Variants in FAM124A observed in about 807,000 individuals in gnomAD.
The protein encoded by FAM124A is family with sequence similarity 124 member A.
FAM124A carries 23 observed loss-of-function variants against 24.5 expected under a neutral mutation model. The observed-to-expected ratio is 0.94, with a 90% confidence interval of 0.68 to 1.33. The LOEUF (loss-of-function observed/expected upper bound fraction) is 1.33. Ranked by LOEUF, FAM124A falls within the 40% of genes most tolerant of loss-of-function variation. The pLI is 0.00. For missense variants in FAM124A, 623 were observed against 722.8 expected (o/e 0.86, Z 1.58); for synonymous variants, 287 against 314.7 (o/e 0.91, Z 0.93).
At position 51,281,366 on chromosome 13, in the gene FAM124A, G is replaced by A. The variant is rs1954938198; in HGVS notation, c.*110G>A. ...ACATTCTTCATGATCCATTTCCCAGGAGCCCGTAGCACATTTGCCTACCAC... is the reference window on the plus strand; with the variant it reads ...ACATTCTTCATGATCCATTTCCCAGAAGCCCGTAGCACATTTGCCTACCAC... On this transcript the variant is annotated 3_prime_UTR_variant, in exon 4 of 4. Transcript: ENST00000322475. 8.7e-7 allele frequency: 1 copy of A among 1,145,678 alleles called. No homozygotes were observed. Among genetic ancestry groups the A allele is most frequent in the Non-Finnish European group, 1.2e-6 (1 of 840,472 alleles). The allele number at this position is 1,145,678 out of a possible 1,614,324, so 71.0% of individuals were successfully genotyped here.
At chr13:51,246,328 T>C (rs935234589) in intron 2 of FAM124A, among the ~76,000 whole-genome samples, 2 of 150,018 alleles carry the variant, frequency 1.3e-5, no homozygotes, top group Admixed American at 1.3e-4. Flanking sequence ...TGGCAATTAA[T>C]TATTCACATT....
At position 51,251,608 on chromosome 13, in the gene FAM124A, G is replaced by C. The variant is rs1954621550; in HGVS notation, c.241G>C (p.Val81Leu). The C allele has an allele frequency of 6.3e-7, 1 of 1,574,830 alleles. No homozygotes were observed. Among genetic ancestry groups the C allele is most frequent in the South Asian group, 1.2e-5 (1 of 84,992 alleles). ...CCACCCCGACCTCCCGCTGTTCCGGGTGTCCGAGAGGCGGGCGTCCCGGCG... is the reference window on the plus strand; with the variant it reads ...CCACCCCGACCTCCCGCTGTTCCGGCTGTCCGAGAGGCGGGCGTCCCGGCG... ...WIHPDLPLFRVSERRASRRRR... is the reference protein window; with the variant it reads ...WIHPDLPLFRLSERRASRRRR... The change falls in exon 3 of 4, where the codon GTG becomes CTG. Residue 81 changes from valine (V) to leucine (L), a missense_variant. Physicochemically the swap from Val to Leu is conservative, Grantham distance 32. Transcript: ENST00000322475. The surrounding 1 kb of genome is among the most constrained non-coding windows in gnomAD (Gnocchi z 5.3).
chr13:51,241,917 T>A (rs1337361966), intron 2 of FAM124A, among the ~76,000 whole-genome samples: 1 of 152,210 alleles, frequency 6.6e-6, no homozygotes, highest in African/African-American at 2.4e-5. Context: ...TCATTATTCA[T>A]CTGATTTCTC....
intron 2 of FAM124A, among the ~76,000 whole-genome samples, chr13:51,238,613 A>T (rs937247047): frequency 6.6e-6 from 1 of 152,178 alleles, no homozygotes; most frequent in Admixed American, 6.5e-5. Context: ...AAGAGGGTAG[A>T]GGTGTGTGTT....
At chr13:51,268,939 A>G (rs1954814509) in intron 3 of FAM124A, among the ~76,000 whole-genome samples, 1 of 152,230 alleles carries the variant, frequency 6.6e-6, no homozygotes, top group South Asian at 2.1e-4. Flanking sequence ...GAGATGCACA[A>G]TCCAACTGAA....
At chr13:51,265,553 A>C (rs1000384597) in intron 3 of FAM124A, among the ~76,000 whole-genome samples, 1 of 152,206 alleles carries the variant, frequency 6.6e-6, no homozygotes, top group African/African-American at 2.4e-5. Flanking sequence ...TGCCTAAATC[A>C]ACACAGTCAA....
chr13:51,222,580 C>T lies in FAM124A; in HGVS notation c.68+11C>T. ...CGCCGAGACCGGAGGGTGAGCCGCG[C>T]CGGGCCGGGCCGCGGGCGGGGGGCG... On this transcript the variant is annotated intron_variant, in intron 1 of 3. Coordinates refer to ENST00000322475, the MANE Select transcript of FAM124A (RefSeq NM_001242312.2). 1 of 1,222,348 alleles carries T rather than the reference C, an allele frequency of 8.2e-7. No homozygotes were observed. Among genetic ancestry groups the T allele is most frequent in the Middle Eastern group, 3.2e-4 (1 of 3,150 alleles). The allele number at this position is 1,222,348 out of a possible 1,614,324, so 75.7% of individuals were successfully genotyped here.
chr13:51,282,898 A>G lies in FAM124A; in HGVS notation c.*1642A>G, dbSNP rs1403781082. 1 of 152,098 alleles carries G rather than the reference A, an allele frequency of 6.6e-6. No individual in the cohort carries two copies. The highest frequency in any genetic ancestry group is 1.5e-5 in the Non-Finnish European group (1 of 68,016). 9.4% of individuals were successfully genotyped at this position (152,098 alleles called of 1,614,324 possible). A position where few individuals can be genotyped will look rare whatever the true frequency, so the allele number is the denominator to read the frequency against. ...CTAATTCAGGATAAGGAGTAAGCAA[A>G]CTTTCTGAAAAGGGCTAGATAATAA... On this transcript the variant is annotated 3_prime_UTR_variant, in exon 4 of 4. Transcript: ENST00000322475.
rs1192802020 is a variant in FAM124A, at chr13:51,281,283, A to C, written c.*27A>C. ...TGCCCTCTGCTCTTGTTCTCGAAAC[A>C]CACAAACTCAGAGACACAGACTCAG... On this transcript the variant is annotated 3_prime_UTR_variant, in exon 4 of 4. Transcript: ENST00000322475. The C allele has an allele frequency of 2.6e-6, 4 of 1,526,532 alleles. No homozygotes were observed. The highest frequency in any genetic ancestry group is 3.5e-6 in the Non-Finnish European group (4 of 1,141,688). 94.6% of individuals were successfully genotyped at this position (1,526,532 alleles called of 1,614,324 possible). A position where few individuals can be genotyped will look rare whatever the true frequency, so the allele number is the denominator to read the frequency against.
At chr13:51,273,185 T>A (rs984108162) in intron 3 of FAM124A, among the ~76,000 whole-genome samples, 2 of 152,192 alleles carry the variant, frequency 1.3e-5, no homozygotes, top group African/African-American at 4.8e-5. Context: ...CTGGGGGCAC[T>A]TGGCATCTCT....
At position 51,251,729 on chromosome 13, in the gene FAM124A, G is replaced by A. The variant is rs767125700; in HGVS notation, c.362G>A (p.Arg121His). The change falls in exon 3 of 4, where the codon CGC becomes CAC. Residue 121 changes from arginine to histidine, a missense_variant. Transcript: ENST00000322475. The surrounding 1 kb of genome is among the most constrained non-coding windows in gnomAD (Gnocchi z 5.3). ...GAAGAGCAGATCCTGCAGCTGCACC[G>A]CACACTGCAGCAGCCGCCCTGGCGC... The part of the protein sequence containing the change: ...YGEEQILQLH[R>H]TLQQPPWRHH... 8.2e-6 allele frequency: 13 copies of A among 1,584,096 alleles called. 1 individual carries two copies. In the South Asian group the frequency reaches 1.0e-4, roughly 13 times the overall value.
intron 3 of FAM124A, chr13:51,253,397 A>G (rs774461459): frequency 6.6e-6 from 1 of 152,230 alleles, no homozygotes; most frequent in Non-Finnish European, 1.5e-5. Context: ...GAACTAGATA[A>G]TTTTGAAACT....
At chr13:51,273,377 A>G (rs1322791720) in intron 3 of FAM124A, among the ~76,000 whole-genome samples, 1 of 152,220 alleles carries the variant, frequency 6.6e-6, no homozygotes, top group Non-Finnish European at 1.5e-5. Flanking sequence ...TGAGCTAGAG[A>G]AAACTGAGAT....
intron 3 of FAM124A, among the ~76,000 whole-genome samples, chr13:51,264,406 C>T (rs1175305105): frequency 6.6e-6 from 1 of 152,144 alleles, no homozygotes; most frequent in Non-Finnish European, 1.5e-5. Context: ...TGCATCAGTC[C>T]CTCCTCAGTG....
At chr13:51,245,936 C>T (rs978272693) in intron 2 of FAM124A, among the ~76,000 whole-genome samples, 1 of 152,148 alleles carries the variant, frequency 6.6e-6, no homozygotes, top group African/African-American at 2.4e-5. Context: ...ATATATATAA[C>T]AAATGCCCAG....
At chr13:51,274,729 A>T (rs981695257) in intron 3 of FAM124A, among the ~76,000 whole-genome samples, 1 of 152,160 alleles carries the variant, frequency 6.6e-6, no homozygotes, top group Admixed American at 6.5e-5. Flanking sequence ...TGTATCTCAC[A>T]TGTATTTTTG....
In FAM124A at chr13:51,280,777, C is replaced by T; in HGVS notation, c.1162C>T (p.Pro388Ser). The stretch of plus-strand genomic sequence containing the variant: ...ACAGTGGTTTTCAAACACAGGTGCC[C>T]CAGGGCACAGGGCATCAGAGTGGAG... ...EPQWFSNTGA[P>S]GHRASEWRHG... is the part of the protein sequence containing the mutation. Residue 388 changes from proline to serine, a missense_variant, in exon 4 of 4, where the codon CCA (proline) becomes TCA (serine). Pro to Ser is a moderately conservative substitution (Grantham distance 74). Transcript: ENST00000322475. 6.2e-7 allele frequency: 1 copy of T among 1,614,226 alleles called. No homozygotes were observed. Among genetic ancestry groups the T allele is most frequent in the Admixed American group, 1.7e-5 (1 of 60,030 alleles).
Position 51,281,124 on chromosome 13 carries a change from C to G in FAM124A, c.1509C>G (p.Thr503=). Reference sequence around the variant, plus strand: ...GTGCTGCTCCCCCAGCTCCCAGCACCTCCACCCTCACAGACTCCTCCCCAC... The same window carrying G: ...GTGCTGCTCCCCCAGCTCCCAGCACGTCCACCCTCACAGACTCCTCCCCAC... ...TARAAPPAPS[T]STLTDSSPQL... The change falls in exon 4 of 4, where the codon ACC becomes ACG. Residue 503 remains threonine, a synonymous_variant. Coordinates refer to ENST00000322475, the MANE Select transcript of FAM124A (RefSeq NM_001242312.2). The G allele has an allele frequency of 6.2e-7, 1 of 1,614,076 alleles. No individual in the cohort carries two copies. The highest frequency in any genetic ancestry group is 8.5e-7 in the Non-Finnish European group (1 of 1,180,022).
chr13:51,228,411 T>G (rs1403858621), intron 1 of FAM124A, among the ~76,000 whole-genome samples: 1 of 152,164 alleles, frequency 6.6e-6, no homozygotes, highest in Non-Finnish European at 1.5e-5. Flanking sequence ...TGTGTCTATA[T>G]TTGTCAGGTG....
Sources: gnomAD v4.1 joint callset for allele counts (sites outside exome capture counted in the v4.1 genomes callset) on GRCh38, gnomAD v4.1.1 for gene constraint, Gnocchi (gnomAD v3.1) non-coding constraint, MANE v1.5 for transcripts, NCBI Gene and HGNC (gene_info 2026-07-23, HGNC 2026-07-21) for gene names.